Variants in SMURF1 observed in about 807,000 individuals in gnomAD.
The protein encoded by SMURF1 is E3 ubiquitin-protein ligase SMURF1.
SMURF1 carries 44 observed loss-of-function variants against 98.0 expected under a neutral mutation model. That is an observed-to-expected ratio of 0.45 (90% CI 0.35 to 0.58). SMURF1 has a LOEUF of 0.58. Ranked by LOEUF, SMURF1 falls within the 20% of genes least tolerant of loss-of-function variation. The probability of loss-of-function intolerance (pLI) is 0.00; values close to 1 mark genes in which losing one functional copy is unlikely to be tolerated. For missense variants in SMURF1, 687 were observed against 938.4 expected (o/e 0.73, Z 3.50); for synonymous variants, 396 against 374.9 (o/e 1.06, Z -0.65).
chr7:99,082,519 A>T (rs1420089685), intron 1 of SMURF1, among the ~76,000 whole-genome samples: 1 of 152,216 alleles, frequency 6.6e-6, no homozygotes, highest in East Asian at 1.9e-4. Context: ...AAATCAACTG[A>T]CCATAAATAT....
At chr7:99,089,460 G>GA (rs1796763318) in intron 1 of SMURF1, among the ~76,000 whole-genome samples, 1 of 151,726 alleles carries the variant, frequency 6.6e-6, no homozygotes, top group Non-Finnish European at 1.5e-5. Context: ...GAAACATGGT[G>GA]AAACCTCATC....
chr7:99,081,168 G>C (rs1796570884), intron 1 of SMURF1: 1 of 152,204 alleles, frequency 6.6e-6, no homozygotes, highest in African/African-American at 2.4e-5. Context: ...TAGCATTTTT[G>C]TCTTTCCACA....
chr7:99,125,057 T>TTTCA (rs56017007), intron 1 of SMURF1, among the ~76,000 whole-genome samples: 1,759 of 149,770 alleles, frequency 0.012, 17 homozygotes, highest in African/African-American at 0.029. Flanking sequence ...CAATAAAAAT[T>TTTCA]TTCATTCATT....
At chr7:99,120,019 G>A (rs1463616846) in intron 1 of SMURF1, among the ~76,000 whole-genome samples, 2 of 152,162 alleles carry the variant, frequency 1.3e-5, no homozygotes, top group East Asian at 3.9e-4. Flanking sequence ...TGGGTCATGG[G>A]CACAGACCCC....
At chr7:99,089,658 A>AAAAC (rs1796767616) in intron 1 of SMURF1, among the ~76,000 whole-genome samples, 1 of 151,956 alleles carries the variant, frequency 6.6e-6, no homozygotes, top group African/African-American at 2.4e-5. Context: ...AAAACAAAAC[A>AAAAC]AAACAAAACA....
chr7:99,058,531 T>TA (rs1795942234), intron 3 of SMURF1, among the ~76,000 whole-genome samples: 1 of 152,162 alleles, frequency 6.6e-6, no homozygotes, highest in African/African-American at 2.4e-5. Flanking sequence ...AGGGACTACT[T>TA]ACAAACCTAC....
intron 1 of SMURF1, among the ~76,000 whole-genome samples, chr7:99,065,097 T>G (rs1000995198): frequency 1.4e-5 from 2 of 144,184 alleles, no homozygotes; most frequent in African/African-American, 2.5e-5. Flanking sequence ...GTGAGTTGGG[T>G]TTTTTTTTTT....
At chr7:99,040,322 C>A in intron 13 of SMURF1, 56 bp downstream of exon 13, 1 of 1,413,490 alleles carries the variant, frequency 7.1e-7, no homozygotes, top group East Asian at 2.7e-5. Flanking sequence ...CGCATACATA[C>A]GATAGACGTG....
intron 1 of SMURF1, among the ~76,000 whole-genome samples, chr7:99,082,099 G>A (rs1705065604): frequency 6.6e-6 from 1 of 152,168 alleles, no homozygotes; most frequent in Admixed American, 6.5e-5. Context: ...AGAAATGTCT[G>A]TTCAGATCCT....
intron 7 of SMURF1, 143 bp from the exon 8 acceptor site, chr7:99,051,584 C>T (rs925355754): frequency 1.2e-5 from 8 of 681,636 alleles, no homozygotes; most frequent in Non-Finnish European, 1.8e-5. Context: ...CTGAGGTGGC[C>T]GAATAATCCC....
At chr7:99,050,901 G>A (rs756966282) in intron 8 of SMURF1, 11 of 1,331,442 alleles carry the variant, frequency 8.3e-6, no homozygotes, top group Middle Eastern at 1.8e-4. Flanking sequence ...GGGTGGGGGG[G>A]GGGTCTCTCT....
rs1795640722 is a variant in SMURF1 at position 99,048,093 on chromosome 7, A to G, written c.954-211T>C. On this transcript the variant is annotated intron_variant, in intron 9 of 17. Transcript: ENST00000361368. ...TAAATGTATGTCTACAGTACCATAAAGGAGGTACCCCAGGCCGGGCGTGGT... is the reference window on the plus strand; with the variant it reads ...TAAATGTATGTCTACAGTACCATAAGGGAGGTACCCCAGGCCGGGCGTGGT... 12 of 556,520 alleles carry G rather than the reference A, an allele frequency of 2.2e-5. No individual in the cohort carries two copies. In the South Asian group the frequency reaches 2.4e-4, roughly 11 times the overall value. The allele number at this position is 556,520 out of a possible 1,614,324, so 34.5% of individuals were successfully genotyped here.
At chr7:99,068,736 C>T (rs1342811784) in intron 1 of SMURF1, among the ~76,000 whole-genome samples, 2 of 152,180 alleles carry the variant, frequency 1.3e-5, no homozygotes, top group African/African-American at 4.8e-5. Context: ...TAAGATTTCC[C>T]ATTCCCTAAC....
At chr7:99,069,687 A>G (rs1796276313) in intron 1 of SMURF1, among the ~76,000 whole-genome samples, 1 of 144,974 alleles carries the variant, frequency 6.9e-6, no homozygotes, top group Non-Finnish European at 1.5e-5. Flanking sequence ...CAAATTTAGG[A>G]TATCTTCAAA....
At chr7:99,141,561 A>C (rs1026438298) in intron 1 of SMURF1, among the ~76,000 whole-genome samples, 2 of 152,216 alleles carry the variant, frequency 1.3e-5, no homozygotes, top group Non-Finnish European at 2.9e-5. Context: ...CCCTGGCATA[A>C]AGAAATGTAT....
intron 1 of SMURF1, among the ~76,000 whole-genome samples, chr7:99,136,226 T>C (rs1797990213): frequency 6.6e-6 from 1 of 152,142 alleles, no homozygotes; most frequent in Admixed American, 6.5e-5. Context: ...AGAGAGAAAA[T>C]AGGGTTGTCT....
At chr7:99,038,111 C>G (rs1006198684) in intron 14 of SMURF1, among the ~76,000 whole-genome samples, 1 of 152,140 alleles carries the variant, frequency 6.6e-6, no homozygotes, top group Non-Finnish European at 1.5e-5. Flanking sequence ...CTTTGCCCCC[C>G]ACCTTTGCAC....
rs756838713 is a variant in SMURF1, at chr7:99,143,821, G to C, written c.-41C>G. ...GGGCAGCCGCGGATCCAGCGCCACC[G>C]CCCCCCAGCCCGGCCCGGCCCGGCC... On this transcript the variant is annotated 5_prime_UTR_variant, in exon 1 of 18. Transcript: ENST00000361368. The C allele has an allele frequency of 2.9e-5, 42 of 1,467,124 alleles. 1 individual carries two copies. The South Asian group carries it at 4.7e-4, about 16-fold the overall frequency. 90.9% of individuals were successfully genotyped at this position (1,467,124 alleles called of 1,614,324 possible).
intron 1 of SMURF1, among the ~76,000 whole-genome samples, chr7:99,088,788 G>A (rs1796738002): frequency 6.6e-6 from 1 of 152,210 alleles, no homozygotes; most frequent in South Asian, 2.1e-4. Flanking sequence ...ATCAGTGCCT[G>A]TAAATCAGGC....
Sources: gnomAD v4.1 joint callset for allele counts (sites outside exome capture counted in the v4.1 genomes callset) on GRCh38, gnomAD v4.1.1 for gene constraint, MANE v1.5 for transcripts, NCBI Gene and HGNC (gene_info 2026-07-23, HGNC 2026-07-21) for gene names.